FRMD5: variants seen among roughly 807,000 people sequenced by gnomAD.
FRMD5 encodes FERM domain containing 5, also known as FERM domain-containing protein 5.
Under a neutral mutation model 69.0 loss-of-function variants are expected in FRMD5, and 20 were observed. The ratio of observed to expected loss-of-function variants is 0.29; its 90% CI spans 0.20 to 0.42. The LOEUF is 0.42. FRMD5 is among the 10% of genes least tolerant of loss of function. The pLI is 1.00. For synonymous variants in FRMD5, 271 were observed against 260.1 expected (o/e 1.04, Z -0.40); for missense variants, 595 against 708.6 (o/e 0.84, Z 1.82).
At chr15:44,012,352 A>C (rs16957621) in intron 1 of FRMD5, among the ~76,000 whole-genome samples, 3,139 of 152,308 alleles carry the variant, frequency 0.021, 115 homozygotes, top group African/African-American at 0.072. Context: ...CTTTTGACAC[A>C]TCTAGGCTTT....
intron 1 of FRMD5, among the ~76,000 whole-genome samples, chr15:44,188,948 G>C (rs974553047): frequency 6.6e-6 from 1 of 151,958 alleles, no homozygotes; most frequent in African/African-American, 2.4e-5. Flanking sequence ...AAGGGTGGGG[G>C]GTTGAAAGCT....
chr15:43,965,765 G>C (rs999936962), intron 1 of FRMD5, among the ~76,000 whole-genome samples: 16 of 151,732 alleles, frequency 1.1e-4, no homozygotes, highest in Non-Finnish European at 1.6e-4. Flanking sequence ...ACTTTTAGTA[G>C]AGACGAGGTT....
At chr15:44,091,164 A>G (rs1162386866) in intron 1 of FRMD5, among the ~76,000 whole-genome samples, 1 of 152,240 alleles carries the variant, frequency 6.6e-6, no homozygotes, top group Non-Finnish European at 1.5e-5. Context: ...TTTAGGAAAT[A>G]CTTAAGTATT....
At chr15:43,939,249 C>T (rs1000904684) in intron 1 of FRMD5, among the ~76,000 whole-genome samples, 15 of 152,222 alleles carry the variant, frequency 9.9e-5, no homozygotes, top group Admixed American at 7.8e-4. Flanking sequence ...TAACCAATCC[C>T]AAATCCCCCA....
At chr15:43,886,707 C>A (rs555182822) in intron 10 of FRMD5, among the ~76,000 whole-genome samples, 2 of 152,324 alleles carry the variant, frequency 1.3e-5, no homozygotes, top group African/African-American at 4.8e-5. Flanking sequence ...CTCAGGGCTC[C>A]AGGACATCCG....
At position 44,195,088 on chromosome 15, in the gene FRMD5, G is replaced by A. The variant is rs780712541; in HGVS notation, c.-34C>T. 2.7e-6 allele frequency: 4 copies of A among 1,481,922 alleles called. No homozygotes were observed. Among genetic ancestry groups the A allele is most frequent in the South Asian group, 1.3e-5 (1 of 76,824 alleles). 91.8% of individuals were successfully genotyped at this position (1,481,922 alleles called of 1,614,324 possible). The stretch of plus-strand genomic sequence containing the variant: ...CCGCCCGCCCGGGAGCGACGCGGCG[G>A]CGCTGCGGACCCTGGACCAGGCGTC... On this transcript the variant is annotated 5_prime_UTR_variant, in exon 1 of 14. Coordinates refer to ENST00000417257, the MANE Select transcript of FRMD5 (RefSeq NM_032892.5).
intron 1 of FRMD5, among the ~76,000 whole-genome samples, chr15:43,988,026 C>T (rs1156698919): frequency 6.6e-6 from 1 of 152,176 alleles, no homozygotes; most frequent in African/African-American, 2.4e-5. Context: ...ATCCAGATCC[C>T]TCATGTGCAC....
rs2077348662 is a variant in FRMD5, at chr15:44,145,920, A to G, written c.102+49033T>C. 2.6e-5 allele frequency among the ~76,000 whole-genome samples: 4 copies of G among 152,354 alleles called. No individual in the cohort carries two copies. The South Asian group carries it at 8.3e-4, about 32-fold the overall frequency. ...GGGAGCTTACCATATGGAAATGGCA[A>G]CTTAAACTTGTATGCTGTATTAACA... On this transcript the variant is annotated intron_variant, in intron 1 of 13. Coordinates refer to ENST00000417257, the MANE Select transcript of FRMD5 (RefSeq NM_032892.5).
intron 1 of FRMD5, among the ~76,000 whole-genome samples, chr15:44,030,994 A>T (rs1891656426): frequency 6.6e-6 from 1 of 152,106 alleles, no homozygotes; most frequent in African/African-American, 2.4e-5. Flanking sequence ...AGAAGCCCTA[A>T]AGTGATGCAG....
intron 13 of FRMD5, chr15:43,875,716 A>C (rs2088324240): frequency 2.1e-6 from 1 of 469,166 alleles, no homozygotes; most frequent in Non-Finnish European, 3.7e-6. Flanking sequence ...GGCCTCCCAA[A>C]GTGCTGGGAT....
intron 1 of FRMD5, among the ~76,000 whole-genome samples, chr15:44,020,070 G>C (rs1891146672): frequency 6.6e-6 from 1 of 151,790 alleles, no homozygotes; most frequent in African/African-American, 2.4e-5. Context: ...ATCTCTATTA[G>C]AGTCCTTTAA....
intron 1 of FRMD5, among the ~76,000 whole-genome samples, chr15:44,035,175 C>A (rs994261333): frequency 6.6e-6 from 1 of 152,118 alleles, no homozygotes; most frequent in Non-Finnish European, 1.5e-5. Flanking sequence ...TCTTCCGGGG[C>A]TAAGTCACAA....
chr15:43,952,105 C>T (rs1566857520), intron 1 of FRMD5, among the ~76,000 whole-genome samples: 2 of 151,496 alleles, frequency 1.3e-5, no homozygotes, highest in Admixed American at 6.6e-5. Context: ...AAGTAGCTCT[C>T]CTAGGAGGGG....
chr15:43,964,317 A>G (rs1467410928), intron 1 of FRMD5, among the ~76,000 whole-genome samples: 2 of 151,728 alleles, frequency 1.3e-5, no homozygotes, highest in Non-Finnish European at 2.9e-5. Context: ...TTTTGTGGCT[A>G]TTTTCCTGAA....
chr15:43,936,212 G>A (rs2089758212), intron 1 of FRMD5, among the ~76,000 whole-genome samples: 1 of 152,122 alleles, frequency 6.6e-6, no homozygotes, highest in Admixed American at 6.5e-5. Flanking sequence ...TTTGAGACAG[G>A]GTCTTGCTCT....
intron 1 of FRMD5, among the ~76,000 whole-genome samples, chr15:43,995,751 G>A (rs1889889931): frequency 6.6e-6 from 1 of 152,088 alleles, no homozygotes; most frequent in African/African-American, 2.4e-5. Flanking sequence ...CTGAAGACTG[G>A]GTCCATGGGG....
At chr15:44,150,161 TA>T (rs1462324451) in intron 1 of FRMD5, among the ~76,000 whole-genome samples, 1 of 152,102 alleles carries the variant, frequency 6.6e-6, no homozygotes, top group African/African-American at 2.4e-5. Context: ...ATTACCAATA[TA>T]AGAAAAGTCA....
chr15:44,022,018 G>A (rs958372133), intron 1 of FRMD5, among the ~76,000 whole-genome samples: 3 of 152,040 alleles, frequency 2.0e-5, no homozygotes, highest in Non-Finnish European at 2.9e-5. Context: ...ATTATGCTAA[G>A]TGAAATAAGC....
intron 1 of FRMD5, among the ~76,000 whole-genome samples, chr15:44,049,663 T>C (rs1438777455): frequency 6.6e-6 from 1 of 152,208 alleles, no homozygotes; most frequent in Non-Finnish European, 1.5e-5. Context: ...TTCCTTGTCC[T>C]TTCTGTCATC....
Sources: allele counts gnomAD v4.1 joint callset (sites outside exome capture counted in the v4.1 genomes callset), GRCh38; gene constraint gnomAD v4.1.1; transcripts MANE v1.5; gene names NCBI Gene and HGNC (gene_info 2026-07-23, HGNC 2026-07-21).